LYPLAL1: variants seen among roughly 807,000 people sequenced by gnomAD.
LYPLAL1 encodes lysophospholipase-like protein 1.
In LYPLAL1, 23 loss-of-function variants were observed where a neutral mutation model predicts 19.7. The ratio of observed to expected loss-of-function variants is 1.17; its 90% CI spans 0.84 to 1.65. LYPLAL1 has a LOEUF of 1.65. LYPLAL1 is among the 40% of genes most tolerant of loss of function. The probability of loss-of-function intolerance (pLI) is 0.00; values close to 1 mark genes in which losing one functional copy is unlikely to be tolerated. For synonymous variants in LYPLAL1, 119 were observed against 96.3 expected (o/e 1.24, Z -1.38); for missense variants, 355 against 279.4 (o/e 1.27, Z -1.93).
At chr1:219,310,759 C>T in the LYPLAL1 span, among the ~76,000 whole-genome samples, 9 of 152,130 alleles carry the variant, frequency 5.9e-5, no homozygotes, top group East Asian at 1.9e-4. Context: ...ATGGGAAAAA[C>T]GAACAATACA....
chr1:219,429,652 G>C, the LYPLAL1 span, among the ~76,000 whole-genome samples: 1 of 151,906 alleles, frequency 6.6e-6, no homozygotes, highest in Non-Finnish European at 1.5e-5. Context: ...GTGAGACCCT[G>C]TCTCAAAAAA....
chr1:219,285,030 G>A, the LYPLAL1 span, among the ~76,000 whole-genome samples: 1 of 152,210 alleles, frequency 6.6e-6, no homozygotes, highest in East Asian at 1.9e-4. Flanking sequence ...CAGTGGTAGT[G>A]TCTACACAGT....
chr1:219,362,977 T>G, the LYPLAL1 span, among the ~76,000 whole-genome samples: 1 of 152,066 alleles, frequency 6.6e-6, no homozygotes, highest in Non-Finnish European at 1.5e-5. Flanking sequence ...AAAGAAACTT[T>G]TTATTGCTAT....
At chr1:219,241,134 C>CTCTCTATATATATATATATATA in the LYPLAL1 span, among the ~76,000 whole-genome samples, 22 of 44,348 alleles carry the variant, frequency 5.0e-4, no homozygotes, top group Non-Finnish European at 7.3e-4. Flanking sequence ...CTCTCTCTCT[C>CTCTCTATATATATATATATATA]TATATATATA....
intron 3 of LYPLAL1, among the ~76,000 whole-genome samples, chr1:219,206,696 A>G (rs990799149): frequency 3.3e-5 from 5 of 151,342 alleles, no homozygotes; most frequent in South Asian, 2.1e-4. Context: ...ATGACATTTT[A>G]TGTGCGGGTA....
At chr1:219,245,586 T>C in the LYPLAL1 span, among the ~76,000 whole-genome samples, 1 of 152,212 alleles carries the variant, frequency 6.6e-6, no homozygotes, top group Non-Finnish European at 1.5e-5. Flanking sequence ...ACTTTAATCA[T>C]GTCCTGCAGA....
At chr1:219,226,666 G>T in the LYPLAL1 span, among the ~76,000 whole-genome samples, 3 of 151,864 alleles carry the variant, frequency 2.0e-5, no homozygotes, top group African/African-American at 7.3e-5. Flanking sequence ...ACTCTAACAT[G>T]CATGCTGTGG....
chr1:219,369,434 G>A, the LYPLAL1 span, among the ~76,000 whole-genome samples: 1 of 152,160 alleles, frequency 6.6e-6, no homozygotes, highest in African/African-American at 2.4e-5. Context: ...ACCATGACCT[G>A]CTAATTTTTT....
chr1:219,275,181 T>C, the LYPLAL1 span, among the ~76,000 whole-genome samples: 1 of 152,178 alleles, frequency 6.6e-6, no homozygotes, highest in South Asian at 2.1e-4. Flanking sequence ...GGAAAAGAAA[T>C]GCAAGTCTCT....
chr1:219,412,406 T>A, the LYPLAL1 span, among the ~76,000 whole-genome samples: 2 of 152,310 alleles, frequency 1.3e-5, no homozygotes, highest in South Asian at 4.1e-4. Context: ...AACCCCTCCA[T>A]CATGCTATTT....
At chr1:219,331,402 A>G in the LYPLAL1 span, among the ~76,000 whole-genome samples, 2 of 152,156 alleles carry the variant, frequency 1.3e-5, no homozygotes, top group Non-Finnish European at 2.9e-5. Context: ...TGGCTGATCC[A>G]GGTTGGTCTT....
chr1:219,195,088 AT>A (rs1657499387), intron 3 of LYPLAL1, among the ~76,000 whole-genome samples: 3 of 152,048 alleles, frequency 2.0e-5, no homozygotes, highest in Admixed American at 6.6e-5. Flanking sequence ...CCTACACTTA[AT>A]TTTTGCTACC....
chr1:219,415,018 C>T, the LYPLAL1 span, among the ~76,000 whole-genome samples: 1 of 152,168 alleles, frequency 6.6e-6, no homozygotes, highest in Non-Finnish European at 1.5e-5. Context: ...TACTTCAATA[C>T]ACCAAGAATA....
the LYPLAL1 span, among the ~76,000 whole-genome samples, chr1:219,354,884 A>T: frequency 6.6e-6 from 1 of 151,312 alleles, no homozygotes; most frequent in African/African-American, 2.4e-5. Context: ...ATTAATTTTT[A>T]AAAAGATATT....
At chr1:219,225,610 T>C in the LYPLAL1 span, 1 of 152,238 alleles carries the variant, frequency 6.6e-6, no homozygotes, top group Non-Finnish European at 1.5e-5. Context: ...TGGATGGATC[T>C]CCCAGCCTCT....
the LYPLAL1 span, among the ~76,000 whole-genome samples, chr1:219,292,100 C>G: frequency 6.6e-6 from 1 of 152,154 alleles, no homozygotes; most frequent in African/African-American, 2.4e-5. Flanking sequence ...CCGTCTTTTG[C>G]TCCTCTTGTA....
the LYPLAL1 span, among the ~76,000 whole-genome samples, chr1:219,444,924 TCA>T: frequency 1.3e-5 from 2 of 152,200 alleles, no homozygotes; most frequent in African/African-American, 4.8e-5. Flanking sequence ...TAAAATTTAC[TCA>T]CACAGAACAC....
At chr1:219,403,274 A>G in the LYPLAL1 span, among the ~76,000 whole-genome samples, 3 of 152,202 alleles carry the variant, frequency 2.0e-5, no homozygotes, top group African/African-American at 7.2e-5. Context: ...ATAGTGGCAG[A>G]GACAGACAAG....
At chr1:219,348,121 A>G in the LYPLAL1 span, among the ~76,000 whole-genome samples, 1 of 152,210 alleles carries the variant, frequency 6.6e-6, no homozygotes, top group Non-Finnish European at 1.5e-5. Flanking sequence ...TCAATTTCAC[A>G]TGGGAGCCTT....
Sources: allele counts gnomAD v4.1 joint callset (sites outside exome capture counted in the v4.1 genomes callset), GRCh38; gene constraint gnomAD v4.1.1; transcripts MANE v1.5; gene names NCBI Gene and HGNC (gene_info 2026-07-23, HGNC 2026-07-21).